Variants in KHDRBS2 observed in about 807,000 individuals in gnomAD.
KHDRBS2 encodes the protein KH RNA binding domain containing, signal transduction associated 2.
KHDRBS2 carries 26 observed loss-of-function variants against 44.3 expected under a neutral mutation model. The ratio of observed to expected loss-of-function variants is 0.59; its 90% confidence interval spans 0.43 to 0.81. The LOEUF is 0.81. KHDRBS2 is among the 40% of genes least tolerant of loss of function. The probability of loss-of-function intolerance (pLI) is 0.00; values close to 1 mark genes in which losing one functional copy is unlikely to be tolerated. For missense variants in KHDRBS2, 476 were observed against 433.1 expected (o/e 1.10, Z -0.88); for synonymous variants, 194 against 151.1 (o/e 1.28, Z -2.08).
intron 2 of KHDRBS2, among the ~76,000 whole-genome samples, chr6:62,063,599 T>C (rs1792666105): frequency 6.6e-6 from 1 of 151,516 alleles, no homozygotes; most frequent in African/African-American, 2.4e-5. Context: ...ATAAAAACTC[T>C]CAATAAATTA....
intron 4 of KHDRBS2, among the ~76,000 whole-genome samples, chr6:61,950,918 A>G (rs1306250401): frequency 6.6e-6 from 1 of 152,076 alleles, no homozygotes; most frequent in African/African-American, 2.4e-5. Context: ...ATGTATGTAC[A>G]AATTTGGGAT....
chr6:61,587,683 T>G, the KHDRBS2 span, among the ~76,000 whole-genome samples: 1 of 152,150 alleles, frequency 6.6e-6, no homozygotes, highest in Admixed American at 6.5e-5. Context: ...TTTGACAGAT[T>G]GTGGTTCTTT....
At chr6:61,933,598 A>T (rs910648706) in intron 4 of KHDRBS2, among the ~76,000 whole-genome samples, 1 of 152,182 alleles carries the variant, frequency 6.6e-6, no homozygotes, top group Non-Finnish European at 1.5e-5. Flanking sequence ...CCACACACCT[A>T]GGCTTATATA....
chr6:61,678,750 T>A (rs1194208716), downstream of KHDRBS2: 1 of 151,942 alleles, frequency 6.6e-6, no homozygotes, highest in African/African-American at 2.4e-5. Context: ...CTTCAATTTC[T>A]TGACAACAAC....
chr6:62,162,722 T>A (rs1237171773), intron 2 of KHDRBS2, among the ~76,000 whole-genome samples: 4 of 152,084 alleles, frequency 2.6e-5, no homozygotes, highest in Admixed American at 2.6e-4. Flanking sequence ...GCCTCCTACT[T>A]CATCATCCTC....
chr6:61,906,216 T>G (rs1804983899), intron 4 of KHDRBS2, among the ~76,000 whole-genome samples: 1 of 152,174 alleles, frequency 6.6e-6, no homozygotes, highest in African/African-American at 2.4e-5. Context: ...CTGAACATAT[T>G]CTGTGCATTA....
chr6:61,954,559 CACAT>C (rs200085264), intron 4 of KHDRBS2, among the ~76,000 whole-genome samples: 3,442 of 145,350 alleles, frequency 0.024, 81 homozygotes, highest in Non-Finnish European at 0.036. Flanking sequence ...TGTATATATA[CACAT>C]ACATACGTAT....
chr6:61,820,479 C>T (rs192970717), intron 6 of KHDRBS2, among the ~76,000 whole-genome samples: 13 of 151,870 alleles, frequency 8.6e-5, no homozygotes, highest in Non-Finnish European at 1.5e-4. Context: ...TTTGACAGGG[C>T]CTGAGGTTAT....
chr6:62,215,179 A>T (rs1447829191), intron 1 of KHDRBS2, among the ~76,000 whole-genome samples: 1 of 151,842 alleles, frequency 6.6e-6, no homozygotes, highest in East Asian at 1.9e-4. Context: ...AAAAGAAACT[A>T]AAAAAATATA....
intron 1 of KHDRBS2, among the ~76,000 whole-genome samples, chr6:62,272,921 G>C (rs1416808765): frequency 6.6e-6 from 1 of 152,090 alleles, no homozygotes; most frequent in Non-Finnish European, 1.5e-5. Flanking sequence ...TTCTGTTGTA[G>C]TTTACAGTGA....
At chr6:61,663,986 T>C in the KHDRBS2 span, among the ~76,000 whole-genome samples, 12 of 151,886 alleles carry the variant, frequency 7.9e-5, no homozygotes, top group South Asian at 4.1e-4. Flanking sequence ...GTGGCTTGAC[T>C]CTTGCTGCCT....
chr6:61,775,425 T>G (rs1371003016), intron 6 of KHDRBS2, among the ~76,000 whole-genome samples: 1 of 152,148 alleles, frequency 6.6e-6, no homozygotes, highest in Non-Finnish European at 1.5e-5. Context: ...CTCAAGCTGA[T>G]AAGCAACTTC....
intron 6 of KHDRBS2, among the ~76,000 whole-genome samples, chr6:61,764,401 T>A (rs1187130816): frequency 6.6e-6 from 1 of 152,180 alleles, no homozygotes; most frequent in Non-Finnish European, 1.5e-5. Context: ...ATCTGAGGAA[T>A]CATCACACTG....
At chr6:61,551,914 A>G in the KHDRBS2 span, among the ~76,000 whole-genome samples, 1 of 152,030 alleles carries the variant, frequency 6.6e-6, no homozygotes. Flanking sequence ...GTCATTATAT[A>G]TCCCATGTGA....
rs1360679172 is a variant in KHDRBS2 at position 62,169,188 on chromosome 6, CGTAT to C, written c.219+7993_219+7996del. 4.9e-5 allele frequency among the ~76,000 whole-genome samples: 7 copies of C among 141,454 alleles called. No homozygotes were observed. In the East Asian group the frequency reaches 1.5e-3, roughly 30 times the overall value. The allele number at this position is 141,454 out of a possible 152,430, so 92.8% of individuals were successfully genotyped here. A position where few individuals can be genotyped will look rare whatever the true frequency, so the allele number is the denominator to read the frequency against. The stretch of plus-strand genomic sequence containing the variant: ...ACATATATGTATATATGTATATATA[CGTAT>C]ACATATATGTATATATATGTATATA... On this transcript the variant is annotated intron_variant, in intron 2 of 8. Coordinates refer to ENST00000281156, the MANE Select transcript of KHDRBS2 (RefSeq NM_152688.4).
chr6:62,023,438 T>A (rs780666016), intron 3 of KHDRBS2, among the ~76,000 whole-genome samples: 13 of 151,648 alleles, frequency 8.6e-5, no homozygotes, highest in Non-Finnish European at 1.6e-4. Flanking sequence ...TTTTGCTTTC[T>A]AGCCCTCATT....
At chr6:62,266,299 A>G (rs1183544206) in intron 1 of KHDRBS2, among the ~76,000 whole-genome samples, 1 of 152,018 alleles carries the variant, frequency 6.6e-6, no homozygotes, top group Non-Finnish European at 1.5e-5. Context: ...CAGGGCCTAT[A>G]TATTTCTTGC....
chr6:61,740,568 C>G (rs1319351317), intron 6 of KHDRBS2, among the ~76,000 whole-genome samples: 2 of 151,874 alleles, frequency 1.3e-5, no homozygotes, highest in African/African-American at 4.8e-5. Context: ...CCACTATTTT[C>G]TTGAACATGT....
rs141309996 is a variant in KHDRBS2, at chr6:61,886,803, A to C, written c.810+7832T>G. 2.8e-3 allele frequency among the ~76,000 whole-genome samples: 420 copies of C among 152,300 alleles called. 3 individuals are homozygous for C. Among genetic ancestry groups the C allele is most frequent in the African/African-American group, 9.3e-3 (387 of 41,560 alleles). ...ATATGTTAATTGTTGGACTAATGCT[A>C]TCTCTCCCACTAGATGGCATCCTTT... is the stretch of plus-strand genomic sequence containing the variant. On this transcript the variant is annotated intron_variant, in intron 6 of 8. Coordinates refer to ENST00000281156, the MANE Select transcript of KHDRBS2 (RefSeq NM_152688.4).
Sources: allele counts gnomAD v4.1 joint callset (sites outside exome capture counted in the v4.1 genomes callset), GRCh38; gene constraint gnomAD v4.1.1; transcripts MANE v1.5; gene names NCBI Gene and HGNC (gene_info 2026-07-23, HGNC 2026-07-21).